Variants in GPHN observed in about 807,000 individuals in gnomAD.
GPHN encodes the protein gephyrin.
A neutral mutation model predicts 95.5 loss-of-function variants in GPHN; 17 were observed. The ratio of observed to expected loss-of-function variants is 0.18; its 90% CI spans 0.12 to 0.27. The LOEUF (loss-of-function observed/expected upper bound fraction) is 0.27, where lower values mean the gene tolerates loss of function less well. Among genes scored for constraint, GPHN ranks in the 10% least tolerant of loss-of-function variants. The pLI, the probability that GPHN is intolerant of heterozygous loss-of-function variation, is 1.00. For synonymous variants in GPHN, 320 were observed against 322.5 expected (o/e 0.99, Z 0.08); for missense variants, 660 against 978.1 (o/e 0.67, Z 4.34).
intron 2 of GPHN, among the ~76,000 whole-genome samples, chr14:66,728,214 C>T (rs1475365976): frequency 6.6e-6 from 1 of 151,986 alleles, no homozygotes; most frequent in Non-Finnish European, 1.5e-5. Context: ...GATGGAAATG[C>T]CTGGATGTCC....
chr14:67,683,557 C>G, the GPHN span, among the ~76,000 whole-genome samples: 1 of 152,174 alleles, frequency 6.6e-6, no homozygotes, highest in African/African-American at 2.4e-5. Context: ...CACCTTTTCC[C>G]CTCAATATAG....
At chr14:67,527,667 C>T in the GPHN span, among the ~76,000 whole-genome samples, 1 of 152,230 alleles carries the variant, frequency 6.6e-6, no homozygotes, top group South Asian at 2.1e-4. Context: ...TTTTGTACCG[C>T]AGCAGCCCCT....
intron 10 of GPHN, among the ~76,000 whole-genome samples, chr14:67,033,923 A>C (rs2074301781): frequency 6.6e-6 from 1 of 152,192 alleles, no homozygotes; most frequent in Admixed American, 6.5e-5. Flanking sequence ...GTTATATTCA[A>C]AGTGCTGAAG....
At chr14:67,355,446 T>C in the GPHN span, among the ~76,000 whole-genome samples, 13 of 39,854 alleles carry the variant, frequency 3.3e-4, no homozygotes, top group Admixed American at 1.4e-3. Flanking sequence ...TAAGACCCTG[T>C]CTCAAAAAAA....
At chr14:67,122,109 A>G in intron 16 of GPHN, 147 bp from the exon 17 acceptor site, 1 of 715,688 alleles carries the variant, frequency 1.4e-6, no homozygotes, top group South Asian at 1.6e-5. Flanking sequence ...TATTTATTTA[A>G]AGATCCTTTG....
chr14:66,880,483 T>C lies in GPHN; in HGVS notation c.389+450T>C, dbSNP rs528601112. ...TTATTACTATGTAAAGTTACTGTTT[T>C]CTGTGACTGTTTATAATCATCAGTT... is the stretch of plus-strand genomic sequence containing the variant. On this transcript the variant is annotated intron_variant, in intron 5 of 22. Coordinates refer to ENST00000478722, the MANE Select transcript of GPHN (RefSeq NM_020806.5). Among the ~76,000 whole-genome samples the C allele has an allele frequency of 5.9e-5, 9 of 152,118 alleles. 1 individual carries two copies. The South Asian group carries it at 1.9e-3, about 32-fold the overall frequency.
the GPHN span, among the ~76,000 whole-genome samples, chr14:67,730,267 A>T: frequency 6.6e-6 from 1 of 152,156 alleles, no homozygotes; most frequent in Non-Finnish European, 1.5e-5. Flanking sequence ...CGCCCTGGCA[A>T]TCTGGCTCTA....
intron 8 of GPHN, among the ~76,000 whole-genome samples, chr14:66,963,939 G>T (rs2069141601): frequency 6.6e-6 from 1 of 152,090 alleles, no homozygotes; most frequent in African/African-American, 2.4e-5. Context: ...TTTTCACATA[G>T]TAAGTGATAT....
At chr14:67,051,705 A>G (rs1328138794) in intron 10 of GPHN, among the ~76,000 whole-genome samples, 1 of 152,218 alleles carries the variant, frequency 6.6e-6, no homozygotes, top group Non-Finnish European at 1.5e-5. Context: ...AAGGGCAGCC[A>G]GAGAAAAAGG....
At chr14:67,680,714 C>A in the GPHN span, among the ~76,000 whole-genome samples, 4 of 152,220 alleles carry the variant, frequency 2.6e-5, no homozygotes, top group Non-Finnish European at 5.9e-5. Flanking sequence ...CCACCTCAGC[C>A]TCCCAAAGTG....
chr14:67,564,278 T>C, the GPHN span, among the ~76,000 whole-genome samples: 7 of 152,144 alleles, frequency 4.6e-5, no homozygotes, highest in Admixed American at 4.6e-4. Context: ...GCTGGGATTA[T>C]AGGCAACTGC....
the GPHN span, among the ~76,000 whole-genome samples, chr14:67,256,818 A>C: frequency 6.6e-6 from 1 of 152,058 alleles, no homozygotes; most frequent in Non-Finnish European, 1.5e-5. Flanking sequence ...ACACACACAC[A>C]CACACATGAA....
At chr14:66,704,737 G>A (rs142049715) in intron 2 of GPHN, among the ~76,000 whole-genome samples, 118 of 152,088 alleles carry the variant, frequency 7.8e-4, no homozygotes, top group Non-Finnish European at 1.1e-3. Context: ...ACACCCTATC[G>A]TCACAATTTA....
chr14:67,171,851 A>G lies in GPHN; in HGVS notation c.2079+2815A>G, dbSNP rs532496294. Among the ~76,000 whole-genome samples, 12 of 152,252 alleles carry G rather than the reference A, an allele frequency of 7.9e-5. No individual in the cohort carries two copies. The South Asian group carries it at 2.5e-3, about 32-fold the overall frequency. ...CCCCCAGCTGGATCAGCTGGGAACC[A>G]GGAAGAACTCCCTTGGCAAGGAATT... On this transcript the variant is annotated intron_variant, in intron 21 of 22. Coordinates refer to ENST00000478722, the MANE Select transcript of GPHN (RefSeq NM_020806.5).
chr14:67,327,461 G>A, the GPHN span, among the ~76,000 whole-genome samples: 1 of 151,906 alleles, frequency 6.6e-6, no homozygotes, highest in African/African-American at 2.4e-5. Flanking sequence ...GGTGTGGGGG[G>A]AAGGTTTTAA....
Position 66,548,326 on chromosome 14 carries a change from G to A in GPHN, c.64+39735G>A, listed in dbSNP as rs752472711. On this transcript the variant is annotated intron_variant, in intron 1 of 22. Transcript: ENST00000478722. ...CTCCCATGTAGCTGGGATTACGGGC[G>A]CCCACTACCATGCCTGGCTAATTTT... Among the ~76,000 whole-genome samples, 20 of 151,810 alleles carry A rather than the reference G, an allele frequency of 1.3e-4. 1 individual carries two copies. The highest frequency in any genetic ancestry group is 4.2e-4 in the South Asian group (2 of 4,802).
At chr14:66,608,040 GTTT>G (rs551854379) in intron 1 of GPHN, among the ~76,000 whole-genome samples, 2 of 117,724 alleles carry the variant, frequency 1.7e-5, no homozygotes, top group East Asian at 5.2e-4. Context: ...TAGCTTTGTG[GTTT>G]TTTTTTTTTT....
At chr14:66,666,761 A>G (rs2065986426) in intron 1 of GPHN, among the ~76,000 whole-genome samples, 1 of 152,222 alleles carries the variant, frequency 6.6e-6, no homozygotes, top group African/African-American at 2.4e-5. Flanking sequence ...CTCCTGTTCA[A>G]CATAGTATTG....
chr14:66,716,303 C>G (rs1216363594), intron 2 of GPHN, among the ~76,000 whole-genome samples: 1 of 152,072 alleles, frequency 6.6e-6, no homozygotes, highest in African/African-American at 2.4e-5. Context: ...TTTGTTTTGT[C>G]TGATACAAGA....
Sources: gnomAD v4.1 joint callset for allele counts (sites outside exome capture counted in the v4.1 genomes callset) on GRCh38, gnomAD v4.1.1 for gene constraint, MANE v1.5 for transcripts, NCBI Gene and HGNC (gene_info 2026-07-23, HGNC 2026-07-21) for gene names.